The following FBLN7 variants were observed in gnomAD, a reference collection of about 807,000 sequenced individuals.
FBLN7 encodes the protein fibulin-7.
In FBLN7, 31 loss-of-function variants were observed where a neutral mutation model predicts 44.0. That is an observed-to-expected ratio of 0.70 (90% CI 0.53 to 0.95). FBLN7 has a LOEUF of 0.95. Among genes scored for constraint, FBLN7 ranks in the 40% least tolerant of loss-of-function variants. The pLI is 0.00. For missense variants in FBLN7, 573 were observed against 618.5 expected, an observed-to-expected ratio of 0.93 and a Z score of 0.78; for synonymous variants, 262 against 253.4, an observed-to-expected ratio of 1.03 and a Z score of -0.32.
chr2:112,151,871 G>A (rs1681176978), intron 1 of FBLN7: 1 of 152,208 alleles, frequency 6.6e-6, no homozygotes, highest in Non-Finnish European at 1.5e-5. Context: ...TACCGAGGCT[G>A]TGAAAGGCAC....
the FBLN7 span, among the ~76,000 whole-genome samples, chr2:112,197,272 CACAGAGAG>C: frequency 1.9e-4 from 23 of 119,916 alleles, no homozygotes; most frequent in African/African-American, 6.0e-4. Flanking sequence ...CACACACACA[CACAGAGAG>C]AGAGAGAGAG....
At chr2:112,236,435 C>T in the FBLN7 span, 35 of 1,298,658 alleles carry the variant, frequency 2.7e-5, 1 homozygote, top group African/African-American at 5.1e-4. Flanking sequence ...ACATCTTCAT[C>T]CGAAAACCGA....
Position 112,138,497 on chromosome 2 carries a change from G to T in FBLN7, c.-159G>T. 1.1e-6 allele frequency: 1 copy of T among 901,528 alleles called. No homozygotes were observed. 55.8% of individuals were successfully genotyped at this position (901,528 alleles called of 1,614,324 possible). On this transcript the variant is annotated 5_prime_UTR_variant, in exon 1 of 8. Coordinates refer to ENST00000331203, the MANE Select transcript of FBLN7 (RefSeq NM_153214.3). ...GGCGGCGCCGATCCCCGCGGGACGC[G>T]CTGCGCTCGGGGCCTCCCGCCTCCC...
At chr2:112,219,380 T>C in the FBLN7 span, among the ~76,000 whole-genome samples, 1 of 152,200 alleles carries the variant, frequency 6.6e-6, no homozygotes, top group Admixed American at 6.5e-5. Context: ...GATCTCCTCA[T>C]GCAAAACAGT....
At chr2:112,160,842 A>ACACACG (rs1681824319) in intron 2 of FBLN7, among the ~76,000 whole-genome samples, 1 of 109,060 alleles carries the variant, frequency 9.2e-6, no homozygotes, top group African/African-American at 3.9e-5. Context: ...ACACGCACGC[A>ACACACG]CACGCGCACA....
chr2:112,240,224 GT>G, the FBLN7 span: 1 of 152,210 alleles, frequency 6.6e-6, no homozygotes, highest in African/African-American at 2.4e-5. Context: ...TGTAAATACA[GT>G]TTTACTGTAA....
At chr2:112,171,721 T>C (rs1682471242) in intron 3 of FBLN7, among the ~76,000 whole-genome samples, 1 of 152,134 alleles carries the variant, frequency 6.6e-6, no homozygotes, top group Admixed American at 6.5e-5. Flanking sequence ...CGTGAGCAAT[T>C]TTTCATTACC....
At chr2:112,163,360 A>G (rs1681977909) in intron 2 of FBLN7, among the ~76,000 whole-genome samples, 1 of 152,216 alleles carries the variant, frequency 6.6e-6, no homozygotes, top group Admixed American at 6.5e-5. Context: ...TGCACAGTTG[A>G]AGCAACAGTT....
chr2:112,231,021 A>G, the FBLN7 span: 8 of 953,028 alleles, frequency 8.4e-6, no homozygotes, highest in East Asian at 4.3e-4. Flanking sequence ...TGTCATATTC[A>G]TAACTTTCAA....
At chr2:112,230,994 G>T in the FBLN7 span, 1 of 1,138,776 alleles carries the variant, frequency 8.8e-7, no homozygotes, top group Middle Eastern at 3.0e-4. Context: ...ATGCATTCAT[G>T]TGTAATTCAG....
chr2:112,153,636 G>T (rs1325207025), intron 1 of FBLN7, among the ~76,000 whole-genome samples: 3 of 152,202 alleles, frequency 2.0e-5, no homozygotes, highest in Non-Finnish European at 4.4e-5. Context: ...GATGAGAGGG[G>T]TCAGGCCTGC....
chr2:112,219,300 A>T, the FBLN7 span, among the ~76,000 whole-genome samples: 98 of 152,322 alleles, frequency 6.4e-4, no homozygotes, highest in Non-Finnish European at 1.2e-3. Context: ...ATGGTAAATA[A>T]TTGACAAAAG....
chr2:112,239,949 C>G, the FBLN7 span, among the ~76,000 whole-genome samples: 1 of 152,086 alleles, frequency 6.6e-6, no homozygotes, highest in Non-Finnish European at 1.5e-5. Context: ...TGATTATAAG[C>G]CTAGAAAATG....
At chr2:112,181,970 G>A (rs1169760179) in intron 5 of FBLN7, 94 bp downstream of exon 5, 2 of 1,431,916 alleles carry the variant, frequency 1.4e-6, no homozygotes, top group African/African-American at 3.0e-5. Context: ...GCCGGCACGG[G>A]TGGCTTCCTG....
the FBLN7 span, among the ~76,000 whole-genome samples, chr2:112,242,461 G>A: frequency 2.0e-5 from 3 of 152,130 alleles, no homozygotes; most frequent in Non-Finnish European, 4.4e-5. Context: ...TCATCACTTC[G>A]TAGAGATGCT....
chr2:112,160,082 C>G (rs1681662881), intron 2 of FBLN7, among the ~76,000 whole-genome samples: 1 of 152,186 alleles, frequency 6.6e-6, no homozygotes, highest in Non-Finnish European at 1.5e-5. Context: ...GCTCCGCCTC[C>G]CGGGTTCACG....
At chr2:112,167,869 C>CGTTATGTTATGTTATTTATGTTAT (rs60665286) in intron 3 of FBLN7, among the ~76,000 whole-genome samples, 26,149 of 132,762 alleles carry the variant, frequency 0.2, 3,110 homozygotes, top group Middle Eastern at 0.26. Context: ...AGGAAAGACA[C>CGTTATGTTATGTTATTTATGTTAT]GTTATGTTAT....
rs1312905794 is a variant in FBLN7 at position 112,181,828 on chromosome 2, G to C, written c.622G>C (p.Glu208Gln). The C allele has an allele frequency of 2.0e-6, 3 of 1,521,384 alleles. No homozygotes were observed. The highest frequency in any genetic ancestry group is 2.4e-5 in the South Asian group (2 of 83,600). 94.2% of individuals were successfully genotyped at this position (1,521,384 alleles called of 1,614,324 possible). Residue 208 changes from glutamate (E) to glutamine (Q), a missense_variant, in exon 5 of 8, where the codon GAG (glutamate) becomes CAG (glutamine). Transcript: ENST00000331203. ...QVERAQHCSC[E>Q]AGFHLSGAAG... ...GGAGCGGGCTCAGCACTGCAGCTGC[G>C]AGGCCGGATTCCACCTGAGCGGCGC...
the FBLN7 span, chr2:112,216,201 A>T: frequency 1.3e-5 from 2 of 152,220 alleles, no homozygotes; most frequent in African/African-American, 2.4e-5. Context: ...TCTACAATTT[A>T]CTATCACATT....
Sources: allele counts gnomAD v4.1 joint callset (sites outside exome capture counted in the v4.1 genomes callset), GRCh38; gene constraint gnomAD v4.1.1; transcripts MANE v1.5; gene names NCBI Gene and HGNC (gene_info 2026-07-23, HGNC 2026-07-21).